Variants in TMEM132B observed in about 807,000 individuals in gnomAD.
The protein encoded by TMEM132B is transmembrane protein 132B.
TMEM132B carries 18 observed loss-of-function variants against 90.8 expected under a neutral mutation model. The observed-to-expected ratio is 0.20, with a 90% CI of 0.14 to 0.29. The LOEUF is 0.29. Among genes scored for constraint, TMEM132B ranks in the 10% least tolerant of loss-of-function variants. The pLI is 1.00. For missense variants in TMEM132B, 1,096 were observed against 1,326.8 expected (o/e 0.83, Z 2.70); for synonymous variants, 504 against 523.3 (o/e 0.96, Z 0.50).
intron 5 of TMEM132B, chr12:125,587,225 G>A (rs1368319510): frequency 2.0e-5 from 3 of 147,166 alleles, no homozygotes; most frequent in Admixed American, 6.7e-5. Flanking sequence ...GTGTGTGTGT[G>A]TGTGTGTGCG....
chr12:125,557,772 G>C (rs1463551801), intron 4 of TMEM132B, among the ~76,000 whole-genome samples: 1 of 152,180 alleles, frequency 6.6e-6, no homozygotes, highest in Non-Finnish European at 1.5e-5. Context: ...GAGAAAACAG[G>C]GTGATGGGTT....
At chr12:125,214,812 C>G (rs1873398252) in intron 1 of TMEM132B, among the ~76,000 whole-genome samples, 1 of 152,228 alleles carries the variant, frequency 6.6e-6, no homozygotes, top group Admixed American at 6.5e-5. Flanking sequence ...CTGGACTTCC[C>G]TGCCCTTCAA....
intron 2 of TMEM132B, among the ~76,000 whole-genome samples, chr12:125,354,017 C>A (rs964017932): frequency 6.6e-6 from 1 of 152,138 alleles, no homozygotes; most frequent in Non-Finnish European, 1.5e-5. Context: ...ATCCTTGGGG[C>A]CTTTGGAATT....
At chr12:125,579,944 G>C (rs539600228) in intron 4 of TMEM132B, among the ~76,000 whole-genome samples, 13 of 152,118 alleles carry the variant, frequency 8.5e-5, no homozygotes, top group Non-Finnish European at 1.9e-4. Flanking sequence ...TTTGTTGTTT[G>C]TTGTAGTAGC....
intron 3 of TMEM132B, among the ~76,000 whole-genome samples, chr12:125,494,482 C>T (rs1318212426): frequency 7.1e-6 from 1 of 140,990 alleles, no homozygotes; most frequent in African/African-American, 2.7e-5. Context: ...CGTCCCTCCT[C>T]CCCCTCTTCC....
intron 1 of TMEM132B, among the ~76,000 whole-genome samples, chr12:125,321,236 C>T (rs1876418205): frequency 6.6e-6 from 1 of 152,094 alleles, no homozygotes; most frequent in Non-Finnish European, 1.5e-5. Context: ...CTCTCAATTT[C>T]GATTTGTTTA....
chr12:125,576,878 T>TTG (rs1421085734), intron 4 of TMEM132B, among the ~76,000 whole-genome samples: 3 of 151,862 alleles, frequency 2.0e-5, no homozygotes, highest in African/African-American at 7.3e-5. Context: ...TGCTAGTATT[T>TTG]TGCGTGTGTG....
chr12:125,350,052 T>A lies in TMEM132B; in HGVS notation c.668T>A (p.Phe223Tyr), dbSNP rs756955153. The A allele has an allele frequency of 1.9e-6, 3 of 1,614,196 alleles. No homozygotes were observed. Among genetic ancestry groups the A allele is most frequent in the African/African-American group, 1.3e-5 (1 of 75,046 alleles). The change falls in exon 2 of 9, where the codon TTC becomes TAC. Residue 223 changes from phenylalanine to tyrosine, a missense_variant. Physicochemically the swap from Phe to Tyr is conservative, Grantham distance 22 (BLOSUM62 3). Coordinates refer to ENST00000682704, the MANE Select transcript of TMEM132B (RefSeq NM_001366854.1). Reference sequence around the variant, plus strand: ...CTCGGGGGCACCACGATGGAGCTCTTCTTCACGCTCTACCCAGCTGACAAG... The same window carrying A: ...CTCGGGGGCACCACGATGGAGCTCTACTTCACGCTCTACCCAGCTGACAAG... ...ALLGGTTMEL[F>Y]FTLYPADKAG...
chr12:125,187,170 C>T lies in TMEM132B; in HGVS notation c.67+304C>T, dbSNP rs527591743. Among the ~76,000 whole-genome samples, 255 of 152,288 alleles carry T rather than the reference C, an allele frequency of 1.7e-3. 1 individual carries two copies. Among genetic ancestry groups the T allele is most frequent in the African/African-American group, 5.8e-3 (243 of 41,580 alleles). On this transcript the variant is annotated intron_variant, in intron 1 of 8. Coordinates refer to ENST00000682704, the MANE Select transcript of TMEM132B (RefSeq NM_001366854.1). ...TGGGGACGCGACTGCAGGAATCGAG[C>T]CCCCTCCCCGCCCTGCCTTGGGCCA...
chr12:125,275,129 G>A (rs962499682), intron 1 of TMEM132B, among the ~76,000 whole-genome samples: 1 of 152,102 alleles, frequency 6.6e-6, no homozygotes, highest in Non-Finnish European at 1.5e-5. Flanking sequence ...CCCAAACCCA[G>A]CTAACCCGGA....
At position 125,337,543 on chromosome 12, in the gene TMEM132B, C is replaced by T. The variant is rs372527691; in HGVS notation, c.68-11909C>T. Among the ~76,000 whole-genome samples, 36 of 152,174 alleles carry T rather than the reference C, an allele frequency of 2.4e-4. 1 individual carries two copies. In the South Asian group the frequency reaches 6.4e-3, roughly 27 times the overall value. On this transcript the variant is annotated intron_variant, in intron 1 of 8. Coordinates refer to ENST00000682704, the MANE Select transcript of TMEM132B (RefSeq NM_001366854.1). Reference sequence around the variant, plus strand: ...TTCAAGAAGAAGTCTTGTGGCCATACGTGGATACAGGAGAGGCTGGGAAAG... The same window carrying T: ...TTCAAGAAGAAGTCTTGTGGCCATATGTGGATACAGGAGAGGCTGGGAAAG...
At chr12:125,229,491 A>G (rs1456789050) in intron 1 of TMEM132B, among the ~76,000 whole-genome samples, 1 of 152,250 alleles carries the variant, frequency 6.6e-6, no homozygotes, top group African/African-American at 2.4e-5. Flanking sequence ...TGCCATTAAG[A>G]GAAACCCACT....
intron 3 of TMEM132B, among the ~76,000 whole-genome samples, chr12:125,514,717 T>C (rs1299925752): frequency 6.6e-6 from 1 of 152,222 alleles, no homozygotes; most frequent in Non-Finnish European, 1.5e-5. Context: ...CTTCTTCATT[T>C]CTTCCTCCCT....
At chr12:125,650,401 A>G (rs1407218009) in intron 6 of TMEM132B, among the ~76,000 whole-genome samples, 1 of 152,148 alleles carries the variant, frequency 6.6e-6, no homozygotes, top group Non-Finnish European at 1.5e-5. Context: ...TAAAATTACC[A>G]GTTTCCAGGA....
intron 1 of TMEM132B, among the ~76,000 whole-genome samples, chr12:125,222,608 A>C (rs11058072): frequency 0.038 from 5,736 of 152,334 alleles, 127 homozygotes; most frequent in Non-Finnish European, 0.049. Context: ...CAATGAACTG[A>C]CAATTTCTAT....
intron 2 of TMEM132B, among the ~76,000 whole-genome samples, chr12:125,358,443 T>C (rs1877856302): frequency 6.6e-6 from 1 of 152,208 alleles, no homozygotes; most frequent in Non-Finnish European, 1.5e-5. Context: ...CCCACTGGTA[T>C]CCTTTTTCTG....
chr12:125,474,022 CCTT>C (rs1881791389), intron 3 of TMEM132B, among the ~76,000 whole-genome samples: 1 of 144,320 alleles, frequency 6.9e-6, no homozygotes, highest in African/African-American at 2.6e-5. Context: ...TTCCTTCCTT[CCTT>C]CTTTCCTTCC....
intron 3 of TMEM132B, among the ~76,000 whole-genome samples, chr12:125,505,713 A>T (rs1882830206): frequency 6.6e-6 from 1 of 152,110 alleles, no homozygotes; most frequent in Admixed American, 6.6e-5. Context: ...AAAAAAAAAA[A>T]AAATTACTGG....
intron 1 of TMEM132B, among the ~76,000 whole-genome samples, chr12:125,343,717 A>C (rs1877267444): frequency 6.6e-6 from 1 of 152,198 alleles, no homozygotes; most frequent in East Asian, 1.9e-4. Flanking sequence ...AAATATGCCT[A>C]GGTGTGTTGG....
Sources: allele counts gnomAD v4.1 joint callset (sites outside exome capture counted in the v4.1 genomes callset), GRCh38; gene constraint gnomAD v4.1.1; transcripts MANE v1.5; gene names NCBI Gene and HGNC (gene_info 2026-07-23, HGNC 2026-07-21).